Variants in TRIM2 observed in about 807,000 individuals in gnomAD.
TRIM2 encodes tripartite motif-containing protein 2.
Under a neutral mutation model 75.2 loss-of-function variants are expected in TRIM2, and 20 were observed. That is an observed-to-expected ratio of 0.27 (90% CI 0.19 to 0.39). The LOEUF (loss-of-function observed/expected upper bound fraction) is 0.39, where lower values mean the gene tolerates loss of function less well. Among genes scored for constraint, TRIM2 ranks in the 10% least tolerant of loss-of-function variants. TRIM2 has a pLI of 1.00. For synonymous variants in TRIM2, 373 were observed against 388.3 expected (o/e 0.96, Z 0.46); for missense variants, 660 against 990.8 (o/e 0.67, Z 4.48).
At chr4:153,273,028 G>A (rs1046391425) in intron 2 of TRIM2, among the ~76,000 whole-genome samples, 1 of 151,558 alleles carries the variant, frequency 6.6e-6, no homozygotes, top group South Asian at 2.1e-4. Context: ...TAGTAGAGAC[G>A]GGGTTTCGCC....
intron 1 of TRIM2, among the ~76,000 whole-genome samples, chr4:153,232,297 G>A (rs563390260): frequency 2.6e-5 from 4 of 152,096 alleles, no homozygotes; most frequent in African/African-American, 4.8e-5. Flanking sequence ...CAGATGGATC[G>A]AGACCAGCCT....
chr4:153,283,229 C>T (rs1463034547), intron 3 of TRIM2, among the ~76,000 whole-genome samples: 3 of 152,228 alleles, frequency 2.0e-5, no homozygotes, highest in Non-Finnish European at 2.9e-5. Context: ...ACTCCCTCCT[C>T]CCACTAATCC....
At chr4:153,260,605 G>C (rs1753158251) in intron 1 of TRIM2, among the ~76,000 whole-genome samples, 1 of 150,878 alleles carries the variant, frequency 6.6e-6, no homozygotes, top group African/African-American at 2.4e-5. Context: ...GGAGAGCTTG[G>C]ACACACCCTG....
At chr4:153,221,959 AGAGG>A (rs1455612198) in intron 1 of TRIM2, among the ~76,000 whole-genome samples, 1 of 62,516 alleles carries the variant, frequency 1.6e-5, no homozygotes, top group Non-Finnish European at 2.7e-5. Flanking sequence ...AAGGAAGGAA[AGAGG>A]GAGGAAGGGA....
chr4:153,207,505 T>G (rs1166503392), intron 1 of TRIM2, among the ~76,000 whole-genome samples: 4 of 152,188 alleles, frequency 2.6e-5, no homozygotes, highest in Non-Finnish European at 5.9e-5. Flanking sequence ...TGGATGATTG[T>G]GAGGTTTAAA....
intron 1 of TRIM2, among the ~76,000 whole-genome samples, chr4:153,239,126 G>C (rs1745792783): frequency 6.6e-6 from 1 of 152,196 alleles, no homozygotes; most frequent in Non-Finnish European, 1.5e-5. Context: ...GCCGAGGTGG[G>C]TGGATCACGA....
At chr4:153,237,678 TC>T (rs1745400131) in intron 1 of TRIM2, among the ~76,000 whole-genome samples, 2 of 149,972 alleles carry the variant, frequency 1.3e-5, no homozygotes, top group African/African-American at 4.9e-5. Context: ...AGACTCCGAC[TC>T]AAAAAAAAAA....
chr4:153,208,717 C>A (rs1736131321), intron 1 of TRIM2, among the ~76,000 whole-genome samples: 1 of 152,086 alleles, frequency 6.6e-6, no homozygotes, highest in Non-Finnish European at 1.5e-5. Context: ...GAATGGAAAG[C>A]TAGAACATGT....
chr4:153,204,834 G>C (rs1734955977), intron 1 of TRIM2, among the ~76,000 whole-genome samples: 1 of 152,174 alleles, frequency 6.6e-6, no homozygotes. Context: ...CATAAGGCCA[G>C]TTCCAGTGAT....
chr4:153,287,917 G>T (rs1054456961), intron 3 of TRIM2, among the ~76,000 whole-genome samples: 1 of 152,046 alleles, frequency 6.6e-6, no homozygotes, highest in Non-Finnish European at 1.5e-5. Context: ...ATCAAATCAG[G>T]TCAGCTTGCA....
chr4:153,316,032 T>C lies in TRIM2; in HGVS notation c.1782+33T>C, dbSNP rs375163873. 18 of 1,510,256 alleles carry C rather than the reference T, an allele frequency of 1.2e-5. No individual in the cohort carries two copies. In the Middle Eastern group the frequency reaches 5.3e-4, roughly 44 times the overall value. 93.6% of individuals were successfully genotyped at this position (1,510,256 alleles called of 1,614,324 possible). A position where few individuals can be genotyped will look rare whatever the true frequency, so the allele number is the denominator to read the frequency against. On this transcript the variant is annotated intron_variant, in intron 8 of 11. Transcript: ENST00000338700. ...TAACTACTAATTGTTCACTAAACAA[T>C]GGAGAGAAGGAACAGGAAATACAAA... is the stretch of plus-strand genomic sequence containing the variant.
At chr4:153,182,974 G>A (rs1368275051) in intron 1 of TRIM2, among the ~76,000 whole-genome samples, 2 of 152,116 alleles carry the variant, frequency 1.3e-5, no homozygotes, top group East Asian at 1.9e-4. Context: ...AATTTCCCCC[G>A]GGTGCTTGTT....
chr4:153,251,170 G>A (rs1750785325), intron 1 of TRIM2, among the ~76,000 whole-genome samples: 1 of 152,178 alleles, frequency 6.6e-6, no homozygotes, highest in Non-Finnish European at 1.5e-5. Flanking sequence ...TGACAGTCCT[G>A]TTTGTCCTTA....
chr4:153,198,382 T>G, intron 1 of TRIM2, among the ~76,000 whole-genome samples: 1 of 152,216 alleles, frequency 6.6e-6, no homozygotes, highest in South Asian at 2.1e-4. Flanking sequence ...TGAGATCTCA[T>G]GGGTTTATCA....
chr4:153,234,409 T>A (rs1744473631), intron 1 of TRIM2, among the ~76,000 whole-genome samples: 1 of 152,056 alleles, frequency 6.6e-6, no homozygotes, highest in African/African-American at 2.4e-5. Context: ...TACTGAAAAA[T>A]GAAATAGAAT....
intron 1 of TRIM2, among the ~76,000 whole-genome samples, chr4:153,223,953 A>G (rs1248256531): frequency 6.6e-6 from 1 of 152,166 alleles, no homozygotes; most frequent in Non-Finnish European, 1.5e-5. Flanking sequence ...TCTTCTAAAA[A>G]TGGAGATTAA....
At chr4:153,191,866 A>G (rs961309446) in intron 1 of TRIM2, among the ~76,000 whole-genome samples, 1 of 152,164 alleles carries the variant, frequency 6.6e-6, no homozygotes, top group African/African-American at 2.4e-5. Context: ...ATCGTGCCGC[A>G]AGTTAAGCCT....
intron 1 of TRIM2, among the ~76,000 whole-genome samples, chr4:153,211,779 T>C (rs1468847857): frequency 3.3e-5 from 5 of 152,046 alleles, no homozygotes; most frequent in African/African-American, 1.2e-4. Flanking sequence ...ATGAACCACC[T>C]CACCCAGCCT....
At chr4:153,284,261 C>T (rs776287046) in intron 3 of TRIM2, among the ~76,000 whole-genome samples, 2 of 151,246 alleles carry the variant, frequency 1.3e-5, no homozygotes, top group East Asian at 1.9e-4. Flanking sequence ...AGTGCAGTGA[C>T]GTGATCTTGG....
Sources: gnomAD v4.1 joint callset for allele counts (sites outside exome capture counted in the v4.1 genomes callset) on GRCh38, gnomAD v4.1.1 for gene constraint, MANE v1.5 for transcripts, NCBI Gene and HGNC (gene_info 2026-07-23, HGNC 2026-07-21) for gene names.